Variants in RCN1 observed in about 807,000 individuals in gnomAD.
The protein encoded by RCN1 is reticulocalbin 1.
A neutral mutation model predicts 34.7 loss-of-function variants in RCN1; 14 were observed. The ratio of observed to expected loss-of-function variants is 0.40; its 90% CI spans 0.27 to 0.63. The LOEUF (loss-of-function observed/expected upper bound fraction) is 0.63, where lower values mean the gene tolerates loss of function less well. Among genes scored for constraint, RCN1 ranks in the 30% least tolerant of loss-of-function variants. The pLI is 0.37. For missense variants in RCN1, 326 were observed against 425.1 expected (o/e 0.77, Z 2.05); for synonymous variants, 125 against 165.5 (o/e 0.76, Z 1.88).
At position 32,091,172 on chromosome 11, in the gene RCN1, T is replaced by C; in HGVS notation, c.-25T>C. The C allele has an allele frequency of 7.1e-7, 1 of 1,400,094 alleles. No individual in the cohort carries two copies. Among genetic ancestry groups the C allele is most frequent in the Non-Finnish European group, 9.2e-7 (1 of 1,083,586 alleles). The allele number at this position is 1,400,094 out of a possible 1,614,324, so 86.7% of individuals were successfully genotyped here. A position where few individuals can be genotyped will look rare whatever the true frequency, so the allele number is the denominator to read the frequency against. ...TGTTGTCGCTCGCTCAGCGTCTCCC[T>C]CTCGGCCGCCCTCTCCTCGGGACGA... On this transcript the variant is annotated 5_prime_UTR_variant, in exon 1 of 6. Transcript: ENST00000054950.
At chr11:32,092,992 C>CT (rs1851938383) in intron 1 of RCN1, among the ~76,000 whole-genome samples, 1 of 152,236 alleles carries the variant, frequency 6.6e-6, no homozygotes, top group Non-Finnish European at 1.5e-5. Flanking sequence ...ACTTTCTCTT[C>CT]TCAGTTAGGA....
intron 1 of RCN1, among the ~76,000 whole-genome samples, chr11:32,094,266 C>G (rs1851948502): frequency 1.3e-5 from 2 of 152,140 alleles, no homozygotes; most frequent in Non-Finnish European, 2.9e-5. Flanking sequence ...GCTCTAAGGC[C>G]CCTAAAGACA....
chr11:32,097,298 T>C lies in RCN1; in HGVS notation c.409T>C (p.Trp137Arg), dbSNP rs751282572. ...TAGGGACAAGGATGATAAAATTTCC[T>C]GGGAAGAATACAAACAAGCCACCTA... is the stretch of plus-strand genomic sequence containing the variant. ...YDRDKDDKIS[W>R]EEYKQATYGY... is the part of the protein sequence containing the mutation. The change falls in exon 2 of 6, where the codon TGG becomes CGG. Residue 137 changes from tryptophan (W) to arginine (R), a missense_variant. Transcript: ENST00000054950. 8.8e-6 allele frequency: 14 copies of C among 1,588,402 alleles called. No homozygotes were observed. The Admixed American group carries it at 9.5e-5, about 11-fold the overall frequency.
intron 2 of RCN1, among the ~76,000 whole-genome samples, chr11:32,097,698 G>A (rs1334302768): frequency 2.6e-5 from 4 of 152,342 alleles, no homozygotes; most frequent in South Asian, 4.1e-4. Flanking sequence ...GTGGGCCGGA[G>A]CAGTCAGGGA....
chr11:32,103,745 G>A (rs955260022), intron 5 of RCN1, among the ~76,000 whole-genome samples: 1 of 152,126 alleles, frequency 6.6e-6, no homozygotes, highest in South Asian at 2.1e-4. Context: ...AGAACTTTGT[G>A]GGCAGGACAC....
intron 3 of RCN1, among the ~76,000 whole-genome samples, chr11:32,098,782 C>T (rs1852002990): frequency 6.6e-6 from 1 of 152,180 alleles, no homozygotes; most frequent in South Asian, 2.1e-4. Context: ...CTGGGCTGTT[C>T]TCTGAGCACA....
intron 4 of RCN1, 100 bp from the exon 5 acceptor site, chr11:32,103,181 C>T: frequency 3.0e-6 from 3 of 1,007,072 alleles, no homozygotes; most frequent in South Asian, 1.4e-5. Context: ...GATTGGTTGT[C>T]GCCTTTCCTA....
In RCN1 at chr11:32,103,772, C is replaced by G. The variant is rs150934348; in HGVS notation, c.888+292C>G. Reference sequence around the variant, plus strand: ...GCAGGACACGATTTAAGAAGTATACCCCGTGTTGCCCTAGGATCAGCTTAT... The same window carrying G: ...GCAGGACACGATTTAAGAAGTATACGCCGTGTTGCCCTAGGATCAGCTTAT... On this transcript the variant is annotated intron_variant, in intron 5 of 5. Coordinates refer to ENST00000054950, the MANE Select transcript of RCN1 (RefSeq NM_002901.4). Among the ~76,000 whole-genome samples, 799 of 152,200 alleles carry G rather than the reference C, an allele frequency of 5.2e-3. 7 individuals carry two copies. The highest frequency in any genetic ancestry group is 0.018 in the African/African-American group (749 of 41,530).
rs1334322984 is a variant in RCN1, at chr11:32,091,136, C to G, written c.-61C>G. 8 of 1,378,140 alleles carry G rather than the reference C, an allele frequency of 5.8e-6. No individual in the cohort carries two copies. The highest frequency in any genetic ancestry group is 7.4e-6 in the Non-Finnish European group (8 of 1,074,338). 85.4% of individuals were successfully genotyped at this position (1,378,140 alleles called of 1,614,324 possible). A position where few individuals can be genotyped will look rare whatever the true frequency, so the allele number is the denominator to read the frequency against. On this transcript the variant is annotated 5_prime_UTR_variant, in exon 1 of 6. Transcript: ENST00000054950. ...CCGCCGCGCTCCGAGTCCCCATTCC[C>G]GAGCTGCCGCTGTTGTCGCTCGCTC... is the stretch of plus-strand genomic sequence containing the variant.
intron 3 of RCN1, among the ~76,000 whole-genome samples, chr11:32,099,212 T>C (rs1022737949): frequency 6.6e-6 from 1 of 151,976 alleles, no homozygotes; most frequent in Non-Finnish European, 1.5e-5. Flanking sequence ...TCCCAGCTAC[T>C]TGGGAGGCTG....
At chr11:32,101,515 T>A (rs771957164) in intron 4 of RCN1, among the ~76,000 whole-genome samples, 4 of 152,244 alleles carry the variant, frequency 2.6e-5, no homozygotes, top group African/African-American at 9.6e-5. Flanking sequence ...CCTGAGTTGC[T>A]GTCTCTGGTT....
In RCN1 at chr11:32,100,596, G is replaced by A; in HGVS notation, c.676G>A (p.Asp226Asn). 6.2e-7 allele frequency: 1 copy of A among 1,614,012 alleles called. No homozygotes were observed. Among genetic ancestry groups the A allele is most frequent in the Non-Finnish European group, 8.5e-7 (1 of 1,179,884 alleles). ...GAACGGGGATGGGTTTGTGGATCAGGATGAGTATATTGGTGAGTACTGACC... is the reference window on the plus strand; with the variant it reads ...GAACGGGGATGGGTTTGTGGATCAGAATGAGTATATTGGTGAGTACTGACC... ...DKNGDGFVDQ[D>N]EYIADMFSHE... The change falls in exon 4 of 6, where the codon GAT becomes AAT. Residue 226 changes from aspartate (D) to asparagine (N), a missense_variant. By Grantham distance (23) the Asp-to-Asn change is conservative. Coordinates refer to ENST00000054950, the MANE Select transcript of RCN1 (RefSeq NM_002901.4).
intron 4 of RCN1, 79 bp from the exon 5 acceptor site, chr11:32,103,202 G>A (rs1852065894): frequency 1.1e-5 from 15 of 1,309,976 alleles, no homozygotes; most frequent in Admixed American, 1.0e-4. Context: ...AAGCTCAGGA[G>A]GTCAAGTTTG....
intron 2 of RCN1, 32 bp downstream of exon 2, chr11:32,097,369 G>A (rs1292536633): frequency 1.4e-6 from 2 of 1,475,826 alleles, no homozygotes; most frequent in East Asian, 2.4e-5. Flanking sequence ...ATGACACAGT[G>A]GGGGCCCAGA....
chr11:32,093,387 G>A (rs748043679), intron 1 of RCN1, among the ~76,000 whole-genome samples: 1 of 152,204 alleles, frequency 6.6e-6, no homozygotes, highest in Non-Finnish European at 1.5e-5. Context: ...GTAAGCAAAT[G>A]TGGAGGAGAG....
intron 3 of RCN1, among the ~76,000 whole-genome samples, chr11:32,100,174 T>C (rs990061533): frequency 6.6e-6 from 1 of 152,230 alleles, no homozygotes; most frequent in South Asian, 2.1e-4. Flanking sequence ...CTAGAGTCTA[T>C]TCTTGTGGTC....
intron 4 of RCN1, 52 bp from the exon 5 acceptor site, chr11:32,103,229 G>A: frequency 6.6e-7 from 1 of 1,515,954 alleles, no homozygotes; most frequent in African/African-American, 1.4e-5. Flanking sequence ...GGGGGTGGGG[G>A]AGGTTTACCT....
Position 32,104,677 on chromosome 11 carries a change from G to T in RCN1, c.*205G>T, listed in dbSNP as rs1363801932. 4.2e-6 allele frequency: 2 copies of T among 474,740 alleles called. No individual in the cohort carries two copies. The highest frequency in any genetic ancestry group is 3.8e-5 in the Admixed American group (1 of 26,546). The allele number at this position is 474,740 out of a possible 1,614,324, so 29.4% of individuals were successfully genotyped here. Reference sequence around the variant, plus strand: ...TTCAGTAAGATTTCTCTCAAAACACGTGAAAACCTTGGTAAATTGCAATTC... The same window carrying T: ...TTCAGTAAGATTTCTCTCAAAACACTTGAAAACCTTGGTAAATTGCAATTC... On this transcript the variant is annotated 3_prime_UTR_variant, in exon 6 of 6. Transcript: ENST00000054950.
At chr11:32,099,846 A>G (rs4922890) in intron 3 of RCN1, among the ~76,000 whole-genome samples, 42,591 of 152,016 alleles carry the variant, frequency 0.28, 7,425 homozygotes, top group East Asian at 0.43. Context: ...TTACCACTCA[A>G]CATTCATGTA....
Sources: gnomAD v4.1 joint callset for allele counts (sites outside exome capture counted in the v4.1 genomes callset) on GRCh38, gnomAD v4.1.1 for gene constraint, MANE v1.5 for transcripts, NCBI Gene and HGNC (gene_info 2026-07-23, HGNC 2026-07-21) for gene names.